The following SV2C variants were observed in gnomAD, a reference collection of about 807,000 sequenced individuals.
The protein encoded by SV2C is synaptic vesicle glycoprotein 2C.
Under a neutral mutation model 79.7 loss-of-function variants are expected in SV2C, and 49 were observed. The ratio of observed to expected loss-of-function variants is 0.61; its 90% CI spans 0.49 to 0.78. The LOEUF is 0.78. Among genes scored for constraint, SV2C ranks in the 30% least tolerant of loss-of-function variants. The pLI, the probability that SV2C is intolerant of heterozygous loss-of-function variation, is 0.00. For missense variants in SV2C, 833 were observed against 912.9 expected, an observed-to-expected ratio of 0.91 and a Z score of 1.13; for synonymous variants, 334 against 333.2, an observed-to-expected ratio of 1.00 and a Z score of -0.03.
chr5:75,867,902 T>C, the SV2C span, among the ~76,000 whole-genome samples: 1 of 152,240 alleles, frequency 6.6e-6, no homozygotes, highest in Non-Finnish European at 1.5e-5. Flanking sequence ...GCCAGGCACA[T>C]GCTAAGTACT....
At chr5:75,968,564 G>C in the SV2C span, among the ~76,000 whole-genome samples, 1 of 152,230 alleles carries the variant, frequency 6.6e-6, no homozygotes, top group Non-Finnish European at 1.5e-5. Context: ...TCAACTGGAA[G>C]AAAGGGTATC....
intron 2 of SV2C, among the ~76,000 whole-genome samples, chr5:76,150,277 A>G (rs1749561611): frequency 6.6e-6 from 1 of 151,482 alleles, no homozygotes; most frequent in Non-Finnish European, 1.5e-5. Context: ...TCTCGGGTTC[A>G]AGTGATCCTC....
chr5:76,038,672 T>C, the SV2C span, among the ~76,000 whole-genome samples: 1 of 152,344 alleles, frequency 6.6e-6, no homozygotes, highest in East Asian at 1.9e-4. Flanking sequence ...TGAACTTATC[T>C]TAGTCTATAA....
At chr5:75,867,402 C>T in the SV2C span, among the ~76,000 whole-genome samples, 1 of 152,088 alleles carries the variant, frequency 6.6e-6, no homozygotes, top group Non-Finnish European at 1.5e-5. Context: ...GGCTCCTTCT[C>T]CAAAGCCAGG....
the SV2C span, among the ~76,000 whole-genome samples, chr5:75,887,696 T>C: frequency 2.0e-5 from 3 of 152,150 alleles, no homozygotes; most frequent in African/African-American, 7.2e-5. Flanking sequence ...TATGTATATA[T>C]GGTGGGACTT....
At chr5:76,220,779 A>G (rs1282038744) in intron 4 of SV2C, among the ~76,000 whole-genome samples, 1 of 152,144 alleles carries the variant, frequency 6.6e-6, no homozygotes, top group Admixed American at 6.5e-5. Flanking sequence ...AAAGGCCCCA[A>G]TTCCTTTTTT....
At chr5:75,920,902 C>T in the SV2C span, 13 of 744,620 alleles carry the variant, frequency 1.7e-5, no homozygotes, top group South Asian at 1.8e-4. Flanking sequence ...GTCAGCAGGC[C>T]CTGCAGGCCC....
intron 6 of SV2C, 42 bp from the exon 7 acceptor site, chr5:76,291,179 C>T: frequency 2.0e-6 from 3 of 1,495,296 alleles, no homozygotes; most frequent in Middle Eastern, 1.7e-4. Flanking sequence ...TCAGCAACTT[C>T]AGAGAAGGTA....
the SV2C span, among the ~76,000 whole-genome samples, chr5:76,041,758 C>A: frequency 5.3e-5 from 8 of 152,164 alleles, no homozygotes; most frequent in Non-Finnish European, 1.2e-4. Context: ...CATCAACATT[C>A]CCCTCCTCAG....
chr5:76,022,780 T>C, the SV2C span, among the ~76,000 whole-genome samples: 3 of 152,252 alleles, frequency 2.0e-5, no homozygotes, highest in African/African-American at 7.2e-5. Flanking sequence ...TTCCCTTCAA[T>C]TTCATGAAAT....
the SV2C span, among the ~76,000 whole-genome samples, chr5:76,009,821 A>T: frequency 6.6e-6 from 1 of 152,108 alleles, no homozygotes; most frequent in African/African-American, 2.4e-5. Flanking sequence ...CACCTTGATG[A>T]TGGGATCATT....
the SV2C span, among the ~76,000 whole-genome samples, chr5:75,937,606 G>A: frequency 9.7e-4 from 148 of 152,268 alleles, no homozygotes; most frequent in African/African-American, 3.4e-3. Context: ...CTACTCAGAA[G>A]GCAGAAGTGG....
chr5:75,861,669 C>T, the SV2C span, among the ~76,000 whole-genome samples: 1 of 152,162 alleles, frequency 6.6e-6, no homozygotes. Context: ...TTTGCAGCAA[C>T]ATGGATGCAG....
intron 12 of SV2C, among the ~76,000 whole-genome samples, chr5:76,322,167 C>T (rs188726967): frequency 1.3e-5 from 2 of 152,252 alleles, no homozygotes; most frequent in Admixed American, 6.5e-5. Context: ...AAATAGAAAG[C>T]TGATAAGCAA....
At chr5:76,311,138 C>T (rs988328811) in intron 12 of SV2C, 2 of 152,310 alleles carry the variant, frequency 1.3e-5, no homozygotes, top group African/African-American at 4.8e-5. Context: ...GATATCAGAA[C>T]TGTCTGCAGT....
chr5:76,188,452 G>A (rs1743988878), intron 2 of SV2C, among the ~76,000 whole-genome samples: 1 of 152,100 alleles, frequency 6.6e-6, no homozygotes, highest in African/African-American at 2.4e-5. Context: ...AACTGGTTGG[G>A]GAAGGGTTCA....
the SV2C span, among the ~76,000 whole-genome samples, chr5:75,980,205 A>G: frequency 2.6e-5 from 4 of 152,146 alleles, no homozygotes; most frequent in Admixed American, 2.6e-4. Context: ...AAAGAGCTCT[A>G]TAATTGAGGC....
At chr5:76,248,754 G>T (rs1038447500) in intron 4 of SV2C, among the ~76,000 whole-genome samples, 4 of 152,028 alleles carry the variant, frequency 2.6e-5, no homozygotes, top group African/African-American at 9.7e-5. Flanking sequence ...AAGTAGCTGG[G>T]ATTACAAGCA....
At chr5:76,159,286 T>A (rs1034411989) in intron 2 of SV2C, among the ~76,000 whole-genome samples, 2 of 151,998 alleles carry the variant, frequency 1.3e-5, no homozygotes, top group African/African-American at 2.4e-5. Context: ...CTGGGGCAAT[T>A]AAGTGAGAAA....
Sources: gnomAD v4.1 joint callset for allele counts (sites outside exome capture counted in the v4.1 genomes callset) on GRCh38, gnomAD v4.1.1 for gene constraint, MANE v1.5 for transcripts, NCBI Gene and HGNC (gene_info 2026-07-23, HGNC 2026-07-21) for gene names.